Variants in TBC1D20 observed in about 807,000 individuals in gnomAD.
TBC1D20 encodes the protein TBC1 domain family member 20.
A neutral mutation model predicts 41.6 loss-of-function variants in TBC1D20; 12 were observed. That is an observed-to-expected ratio of 0.29 (90% CI 0.18 to 0.47). The LOEUF is 0.47. TBC1D20 is among the 20% of genes least tolerant of loss of function. TBC1D20 has a pLI of 1.00. For synonymous variants in TBC1D20, 205 were observed against 204.8 expected, an observed-to-expected ratio of 1.00 and a Z score of -0.01; for missense variants, 421 against 517.4, an observed-to-expected ratio of 0.81 and a Z score of 1.81.
At position 462,294 on chromosome 20, in the gene TBC1D20, G is replaced by C. The variant is rs957750509; in HGVS notation, c.70+42C>G. The C allele has an allele frequency of 4.8e-6, 6 of 1,243,704 alleles. No homozygotes were observed. In the African/African-American group the frequency reaches 7.9e-5, roughly 16 times the overall value. The allele number at this position is 1,243,704 out of a possible 1,614,324, so 77.0% of individuals were successfully genotyped here. On this transcript the variant is annotated intron_variant, in intron 1 of 7. Coordinates refer to ENST00000354200, the MANE Select transcript of TBC1D20 (RefSeq NM_144628.4). ...GCCAGCTGCCCCTGCCCCCCGGGCC[G>C]CCCTCGCAGGCCGCTCCCGGCGCCC...
intron 1 of TBC1D20, among the ~76,000 whole-genome samples, chr20:456,641 T>C (rs74181541): frequency 6.6e-5 from 10 of 152,114 alleles, no homozygotes; most frequent in Non-Finnish European, 1.3e-4. Flanking sequence ...CTCAGCTCAC[T>C]GCAACCTCCA....
intron 3 of TBC1D20, among the ~76,000 whole-genome samples, chr20:444,824 CAAA>C (rs1050240360): frequency 6.6e-6 from 1 of 151,940 alleles, no homozygotes; most frequent in Non-Finnish European, 1.5e-5. Context: ...CAAGGAAAAA[CAAA>C]AACCTCTTCT....
At chr20:453,427 T>C (rs1192844627) in intron 1 of TBC1D20, among the ~76,000 whole-genome samples, 2 of 145,990 alleles carry the variant, frequency 1.4e-5, no homozygotes, top group Non-Finnish European at 3.0e-5. Context: ...TGAGCCGAGA[T>C]CATGCTATAT....
At chr20:452,195 T>A (rs985588141) in intron 1 of TBC1D20, among the ~76,000 whole-genome samples, 10 of 152,108 alleles carry the variant, frequency 6.6e-5, no homozygotes, top group African/African-American at 2.4e-4. Flanking sequence ...TAATCCCAGC[T>A]ACTCATGAGG....
chr20:438,944 A>C (rs2017173194), intron 7 of TBC1D20, 103 bp from the exon 8 acceptor site: 2 of 1,504,760 alleles, frequency 1.3e-6, no homozygotes, highest in Non-Finnish European at 1.8e-6. Flanking sequence ...TTGCTGGGAA[A>C]GCTCTTTATG....
intron 1 of TBC1D20, among the ~76,000 whole-genome samples, chr20:448,905 G>A (rs1213029323): frequency 1.1e-4 from 15 of 138,038 alleles, no homozygotes; most frequent in African/African-American, 3.2e-4. Flanking sequence ...GTGCAGTGGC[G>A]CAATCTCAGC....
intron 5 of TBC1D20, 83 bp from the exon 6 acceptor site, chr20:440,472 A>T (rs2017207513): frequency 6.6e-6 from 10 of 1,513,572 alleles, no homozygotes; most frequent in Non-Finnish European, 8.9e-6. Context: ...GGTGAGAAGG[A>T]AGCATTTAGG....
chr20:455,778 C>T (rs2017529673), intron 1 of TBC1D20, among the ~76,000 whole-genome samples: 2 of 149,820 alleles, frequency 1.3e-5, no homozygotes, highest in Admixed American at 1.3e-4. Context: ...ACTAAAAATA[C>T]AAAATTAGCC....
In TBC1D20 at chr20:440,314, G is replaced by A. The variant is rs774695887; in HGVS notation, c.702C>T (p.His234=). The change falls in exon 6 of 8, where the codon CAC becomes CAT. Residue 234 remains histidine, a synonymous_variant. Transcript: ENST00000354200. ...WFGHVLSDFR[H]VVRLYDFFLA... ...GGAAGAAGTCATATAACCGCACGAC[G>A]TGCCTGAAGTCAGACAGGACATGCC... is the stretch of plus-strand genomic sequence containing the variant. 5 of 1,613,980 alleles carry A rather than the reference G, an allele frequency of 3.1e-6. No individual in the cohort carries two copies. Among genetic ancestry groups the A allele is most frequent in the Admixed American group, 3.3e-5 (2 of 59,980 alleles).
chr20:444,254 C>T (rs1419208143), intron 3 of TBC1D20, among the ~76,000 whole-genome samples: 1 of 152,198 alleles, frequency 6.6e-6, no homozygotes, highest in Non-Finnish European at 1.5e-5. Flanking sequence ...CTACTGCTAC[C>T]TGGGTATTGC....
At chr20:442,083 A>G in intron 3 of TBC1D20, 40 bp from the exon 4 acceptor site, 1 of 1,517,334 alleles carries the variant, frequency 6.6e-7, no homozygotes, top group South Asian at 1.3e-5. Context: ...CATACCAAGC[A>G]GCCTAGTTAA....
At chr20:453,059 T>C (rs2122414843) in intron 1 of TBC1D20, among the ~76,000 whole-genome samples, 1 of 134,622 alleles carries the variant, frequency 7.4e-6, no homozygotes, top group East Asian at 2.3e-4. Context: ...TGAAGCAGAA[T>C]CGCTTGAACC....
At position 447,922 on chromosome 20, in the gene TBC1D20, T is replaced by C. The variant is rs2017366735; in HGVS notation, c.223A>G (p.Asn75Asp). 1 of 1,613,674 alleles carries C rather than the reference T, an allele frequency of 6.2e-7. No individual in the cohort carries two copies. Among genetic ancestry groups the C allele is most frequent in the South Asian group, 1.1e-5 (1 of 91,062 alleles). ...GGAGGTGGGTCATTGGCATTGACATTGAGGAGCTTGGGCCACACTTTTCGT... is the reference window on the plus strand; with the variant it reads ...GGAGGTGGGTCATTGGCATTGACATCGAGGAGCTTGGGCCACACTTTTCGT... The part of the protein sequence containing the change: ...IRRKVWPKLL[N>D]VNANDPPPIS... Residue 75 changes from asparagine to aspartate, a missense_variant, in exon 2 of 8, where the codon AAT becomes GAT. Transcript: ENST00000354200.
intron 2 of TBC1D20, among the ~76,000 whole-genome samples, chr20:446,634 C>T (rs2017338094): frequency 6.6e-6 from 1 of 152,080 alleles, no homozygotes; most frequent in African/African-American, 2.4e-5. Context: ...AGCCACTGTG[C>T]CCGGACAAAA....
Position 438,579 on chromosome 20 carries a change from C to T in TBC1D20, c.*7G>A, listed in dbSNP as rs1443639637. 1 of 1,613,350 alleles carries T rather than the reference C, an allele frequency of 6.2e-7. No individual in the cohort carries two copies. Among genetic ancestry groups the T allele is most frequent in the Non-Finnish European group, 8.5e-7 (1 of 1,179,368 alleles). On this transcript the variant is annotated 3_prime_UTR_variant, in exon 8 of 8. Transcript: ENST00000354200. ...ATGTGATGTAAGAGGAAGGTCTTCT[C>T]TGGCTTTCAGGGAAACAGCTGCAGC...
At chr20:448,841 C>CTTT (rs1157490937) in intron 1 of TBC1D20, among the ~76,000 whole-genome samples, 6 of 127,164 alleles carry the variant, frequency 4.7e-5, no homozygotes, top group Non-Finnish European at 9.6e-5. Context: ...ATTACACGTA[C>CTTT]TTTTTTTTTT....
At chr20:460,604 AT>A (rs1244685518) in intron 1 of TBC1D20, among the ~76,000 whole-genome samples, 15 of 152,178 alleles carry the variant, frequency 9.9e-5, no homozygotes, top group Non-Finnish European at 2.1e-4. Context: ...CAGTATCCAA[AT>A]TAGCAAAGAT....
chr20:442,525 A>C (rs1204729630), intron 3 of TBC1D20, among the ~76,000 whole-genome samples: 2 of 152,264 alleles, frequency 1.3e-5, no homozygotes. Flanking sequence ...CAACAGCATG[A>C]GAAACGCATA....
chr20:452,455 C>G (rs759329219), intron 1 of TBC1D20, among the ~76,000 whole-genome samples: 2 of 151,994 alleles, frequency 1.3e-5, no homozygotes, highest in African/African-American at 2.4e-5. Flanking sequence ...AAAGTGAGAC[C>G]CTGTCTCTAC....
Sources: gnomAD v4.1 joint callset for allele counts (sites outside exome capture counted in the v4.1 genomes callset) on GRCh38, gnomAD v4.1.1 for gene constraint, MANE v1.5 for transcripts, NCBI Gene and HGNC (gene_info 2026-07-23, HGNC 2026-07-21) for gene names.